The following BAZ1B variants were observed in gnomAD, a reference collection of about 807,000 sequenced individuals.
BAZ1B encodes the protein tyrosine-protein kinase BAZ1B.
BAZ1B carries 22 observed loss-of-function variants against 153.8 expected under a neutral mutation model. That is an observed-to-expected ratio of 0.14 (90% CI 0.10 to 0.20). The LOEUF (loss-of-function observed/expected upper bound fraction) is 0.20, where lower values mean the gene tolerates loss of function less well. Ranked by LOEUF, BAZ1B falls within the 10% of genes least tolerant of loss-of-function variation. The pLI is 1.00. For synonymous variants in BAZ1B, 676 were observed against 633.4 expected, an observed-to-expected ratio of 1.07 and a Z score of -1.01; for missense variants, 1,325 against 1,799.3, an observed-to-expected ratio of 0.74 and a Z score of 4.77.
chr7:73,447,705 C>T (rs1241359721), intron 15 of BAZ1B, among the ~76,000 whole-genome samples: 1 of 152,140 alleles, frequency 6.6e-6, no homozygotes, highest in Non-Finnish European at 1.5e-5. Flanking sequence ...TTTTGTCTCA[C>T]AAAAAGAGCC....
Position 73,470,423 on chromosome 7 carries a change from T to C in BAZ1B, c.2654A>G (p.Lys885Arg), listed in dbSNP as rs782639916. The change falls in exon 8 of 20, where the codon AAA becomes AGA. Residue 885 changes from lysine to arginine, a missense_variant. Lys to Arg is a conservative substitution (Grantham distance 26, BLOSUM62 2). Coordinates refer to ENST00000339594, the MANE Select transcript of BAZ1B (RefSeq NM_032408.4). ...CTTGGCAATCCCTTCCTGGAAAGCTTTCTCAGCAGCTGCTTTGTGCTTCCG... is the reference window on the plus strand; with the variant it reads ...CTTGGCAATCCCTTCCTGGAAAGCTCTCTCAGCAGCTGCTTTGTGCTTCCG... ...RIRKHKAAAE[K>R]AFQEGIAKAK... 6.2e-7 allele frequency: 1 copy of C among 1,614,124 alleles called. No individual in the cohort carries two copies. The highest frequency in any genetic ancestry group is 1.3e-5 in the African/African-American group (1 of 75,036).
chr7:73,481,537 T>G (rs1554573672), intron 6 of BAZ1B, among the ~76,000 whole-genome samples: 2 of 148,956 alleles, frequency 1.3e-5, no homozygotes, highest in African/African-American at 2.5e-5. Flanking sequence ...AAAAAAAGAT[T>G]TAAACATTAA....
At chr7:73,476,476 CAT>C (rs1789005643) in intron 7 of BAZ1B, among the ~76,000 whole-genome samples, 1 of 152,124 alleles carries the variant, frequency 6.6e-6, no homozygotes, top group Admixed American at 6.6e-5. Flanking sequence ...TCTTATCAAG[CAT>C]ATGAGGAAAG....
intron 6 of BAZ1B, among the ~76,000 whole-genome samples, chr7:73,480,397 G>T (rs1249406516): frequency 6.6e-6 from 1 of 151,736 alleles, no homozygotes. Context: ...TTTTAAATGT[G>T]TATTGAAAAA....
At chr7:73,449,412 T>C in intron 15 of BAZ1B, 130 bp downstream of exon 15, 8 of 1,118,128 alleles carry the variant, frequency 7.2e-6, no homozygotes, top group Non-Finnish European at 9.7e-6. Flanking sequence ...GTACTGTAAA[T>C]GATCAGGCTC....
chr7:73,484,256 C>T (rs1789310631), intron 6 of BAZ1B, among the ~76,000 whole-genome samples: 1 of 151,928 alleles, frequency 6.6e-6, no homozygotes, highest in Non-Finnish European at 1.5e-5. Context: ...CAGAGCGAGA[C>T]TCTGTCAAAG....
In BAZ1B at chr7:73,450,755, A is replaced by G; in HGVS notation, c.3580+92T>C. On this transcript the variant is annotated intron_variant, in intron 14 of 19. Coordinates refer to ENST00000339594, the MANE Select transcript of BAZ1B (RefSeq NM_032408.4). This position sits in a 1 kb window ranked among gnomAD's most constrained non-coding sequence, Gnocchi z 4.1. ...TCTATACCACACTTATATTCTGTGTACACAAAATTCTTTTGGGTAGAAATG... is the reference window on the plus strand; with the variant it reads ...TCTATACCACACTTATATTCTGTGTGCACAAAATTCTTTTGGGTAGAAATG... 2.1e-6 allele frequency: 3 copies of G among 1,451,304 alleles called. No individual in the cohort carries two copies. Among genetic ancestry groups the G allele is most frequent in the Non-Finnish European group, 2.9e-6 (3 of 1,049,846 alleles). The allele number at this position is 1,451,304 out of a possible 1,614,324, so 89.9% of individuals were successfully genotyped here.
At chr7:73,442,142 C>CAA in intron 19 of BAZ1B, 39 bp downstream of exon 19, 1 of 438,374 alleles carries the variant, frequency 2.3e-6, no homozygotes, top group Non-Finnish European at 4.5e-6. Context: ...CGCCTCCCTC[C>CAA]CACCCTCCCT....
At chr7:73,469,470 C>T in intron 9 of BAZ1B, 47 bp downstream of exon 9, 1 of 1,603,210 alleles carries the variant, frequency 6.2e-7, no homozygotes, top group Non-Finnish European at 8.5e-7. Context: ...AATGTTGAGC[C>T]CACTTGAGCA....
At chr7:73,469,489 T>C in intron 9 of BAZ1B, 28 bp downstream of exon 9, 3 of 1,611,214 alleles carry the variant, frequency 1.9e-6, no homozygotes, top group Non-Finnish European at 2.5e-6. Context: ...CAGGGTGAAA[T>C]AACTCTTAGA....
At chr7:73,451,087 G>A (rs1267690038) in intron 13 of BAZ1B, 93 bp from the exon 14 acceptor site, 3 of 1,448,724 alleles carry the variant, frequency 2.1e-6, no homozygotes, top group Non-Finnish European at 2.8e-6. Flanking sequence ...AGAATTCTGA[G>A]GACACTTGCC....
intron 7 of BAZ1B, among the ~76,000 whole-genome samples, chr7:73,474,786 A>C: frequency 6.6e-6 from 1 of 152,212 alleles, no homozygotes; most frequent in African/African-American, 2.4e-5. Flanking sequence ...CCCCCAAAAA[A>C]AGTAAAAGGA....
At chr7:73,475,923 CA>C (rs34851345) in intron 7 of BAZ1B, among the ~76,000 whole-genome samples, 20,211 of 113,800 alleles carry the variant, frequency 0.18, 1,492 homozygotes, top group African/African-American at 0.32. Flanking sequence ...GACTCCATCT[CA>C]AAAAAAAAAA....
At chr7:73,474,491 C>T (rs782002299) in intron 7 of BAZ1B, among the ~76,000 whole-genome samples, 1 of 152,124 alleles carries the variant, frequency 6.6e-6, no homozygotes, top group African/African-American at 2.4e-5. Flanking sequence ...AGTGAAAGGA[C>T]AGGCCAGGTG....
intron 7 of BAZ1B, among the ~76,000 whole-genome samples, chr7:73,472,736 C>T (rs1323367336): frequency 8.6e-6 from 1 of 116,400 alleles, no homozygotes; most frequent in African/African-American, 3.5e-5. Flanking sequence ...GCCACCACAG[C>T]CAGCTAATTT....
intron 3 of BAZ1B, among the ~76,000 whole-genome samples, chr7:73,504,612 C>G (rs190913824): frequency 1.3e-5 from 2 of 151,650 alleles, no homozygotes; most frequent in African/African-American, 2.4e-5. Context: ...TGCAACGAGC[C>G]GAGATCGCGC....
chr7:73,489,877 T>A (rs1789567561), intron 5 of BAZ1B, among the ~76,000 whole-genome samples: 1 of 152,164 alleles, frequency 6.6e-6, no homozygotes, highest in South Asian at 2.1e-4. Flanking sequence ...TGTATCAAAG[T>A]TTTCTAAAAA....
At chr7:73,467,553 A>T (rs560400493) in intron 9 of BAZ1B, among the ~76,000 whole-genome samples, 1 of 151,950 alleles carries the variant, frequency 6.6e-6, no homozygotes, top group East Asian at 2.0e-4. Context: ...TGTTTTTTGT[A>T]GAGACGGGGT....
intron 6 of BAZ1B, among the ~76,000 whole-genome samples, chr7:73,483,925 C>T (rs1554574102): frequency 6.6e-6 from 1 of 152,138 alleles, no homozygotes; most frequent in East Asian, 1.9e-4. Flanking sequence ...CAAGCAAGAG[C>T]CACTACGCCC....
Sources: allele counts gnomAD v4.1 joint callset (sites outside exome capture counted in the v4.1 genomes callset), GRCh38; gene constraint gnomAD v4.1.1; non-coding constraint Gnocchi (gnomAD v3.1); transcripts MANE v1.5; gene names NCBI Gene and HGNC (gene_info 2026-07-23, HGNC 2026-07-21).